The following TG variants were observed in gnomAD, a reference collection of about 807,000 sequenced individuals.
TG encodes the protein thyroid hormones.
TG carries 270 observed loss-of-function variants against 324.7 expected under a neutral mutation model. The observed-to-expected ratio is 0.83, with a 90% CI of 0.75 to 0.92. The LOEUF is 0.92. Ranked by LOEUF, TG falls within the 40% of genes least tolerant of loss-of-function variation. The probability of loss-of-function intolerance (pLI) is 0.00; values close to 1 mark genes in which losing one functional copy is unlikely to be tolerated. For missense variants in TG, 3,591 were observed against 3,456.4 expected (o/e 1.04, Z -0.98); for synonymous variants, 1,401 against 1,327.0 (o/e 1.06, Z -1.21).
chr8:133,113,506 G>C lies in TG; in HGVS notation c.7657G>C (p.Asp2553His), dbSNP rs535231848. ...LQNSLGGEDS[D>H]ARVEAAATWY... ...GAATTCTCTGGGTGGCGAGGACTCA[G>C]ATGCCCGCGTCGAGGCTGCTGCTAC... Residue 2553 changes from aspartate (D) to histidine (H), a missense_variant, in exon 44 of 48, where the codon GAT becomes CAT. By Grantham distance (81) the Asp-to-His change is moderately conservative. Transcript: ENST00000220616. 1 of 1,614,082 alleles carries C rather than the reference G, an allele frequency of 6.2e-7. No individual in the cohort carries two copies. Among genetic ancestry groups the C allele is most frequent in the Non-Finnish European group, 8.5e-7 (1 of 1,180,016 alleles).
intron 41 of TG, among the ~76,000 whole-genome samples, chr8:133,069,325 C>T (rs566708426): frequency 4.5e-4 from 69 of 152,342 alleles, no homozygotes; most frequent in African/African-American, 1.5e-3. Flanking sequence ...TTTCACCTGA[C>T]ACAGCATTTG....
chr8:133,101,271 A>G (rs1276739391), intron 43 of TG, among the ~76,000 whole-genome samples: 1 of 152,182 alleles, frequency 6.6e-6, no homozygotes, highest in Non-Finnish European at 1.5e-5. Context: ...GTTATGAGCT[A>G]TGCTCCCACC....
Position 133,040,421 on chromosome 8 carries a change from G to A in TG, c.7239+10398G>A, listed in dbSNP as rs141773270. The A allele has an allele frequency of 2.6e-3, 911 of 355,280 alleles. 6 individuals are homozygous for A. The highest frequency in any genetic ancestry group is 0.017 in the African/African-American group (813 of 48,768). 22.0% of individuals were successfully genotyped at this position (355,280 alleles called of 1,614,324 possible). A position where few individuals can be genotyped will look rare whatever the true frequency, so the allele number is the denominator to read the frequency against. ...TGGGTTTGAATTTTAGCTTTACCCCGATAGTAAATTATCAAGAACGTCTCT... is the reference window on the plus strand; with the variant it reads ...TGGGTTTGAATTTTAGCTTTACCCCAATAGTAAATTATCAAGAACGTCTCT... On this transcript the variant is annotated intron_variant, in intron 41 of 47. Coordinates refer to ENST00000220616, the MANE Select transcript of TG (RefSeq NM_003235.5).
chr8:132,955,388 C>T (rs1273065171), intron 27 of TG, among the ~76,000 whole-genome samples: 1 of 152,202 alleles, frequency 6.6e-6, no homozygotes, highest in Non-Finnish European at 1.5e-5. Context: ...ACTATTCTCA[C>T]AGCTGAACTC....
At chr8:132,956,329 G>A (rs79116914) in intron 27 of TG, among the ~76,000 whole-genome samples, 10,006 of 152,194 alleles carry the variant, frequency 0.066, 419 homozygotes, top group Non-Finnish European at 0.089. Context: ...CAAGAATTGT[G>A]CTGGGGGAGT....
intron 44 of TG, among the ~76,000 whole-genome samples, chr8:133,116,182 G>A (rs564873848): frequency 1.3e-5 from 2 of 152,252 alleles, no homozygotes; most frequent in Admixed American, 6.5e-5. Context: ...GGGCTCTGAC[G>A]TCTTCTAAAA....
intron 41 of TG, chr8:133,048,068 C>G: frequency 3.3e-6 from 2 of 602,656 alleles, no homozygotes; most frequent in Non-Finnish European, 3.0e-6. Flanking sequence ...AGCATCATCT[C>G]TCTTCCACAG....
At position 133,134,701 on chromosome 8, in the gene TG, A is replaced by C; in HGVS notation, c.8214A>C (p.Ala2738=). The C allele has an allele frequency of 1.2e-6, 2 of 1,614,030 alleles. No individual in the cohort carries two copies. Among genetic ancestry groups the C allele is most frequent in the Non-Finnish European group, 1.7e-6 (2 of 1,179,942 alleles). ...SADGAKGGQS[A]ESEEEELTAG... Reference sequence around the variant, plus strand: ...ATGGAGCCAAGGGCGGGCAGTCAGCAGAGAGTGAAGAGGAGGAGTTGACGG... The same window carrying C: ...ATGGAGCCAAGGGCGGGCAGTCAGCCGAGAGTGAAGAGGAGGAGTTGACGG... The change falls in exon 48 of 48, where the codon GCA becomes GCC. Residue 2738 remains alanine (A), a synonymous_variant. Coordinates refer to ENST00000220616, the MANE Select transcript of TG (RefSeq NM_003235.5).
At chr8:132,980,083 C>T (rs1035264389) in intron 34 of TG, among the ~76,000 whole-genome samples, 1 of 151,986 alleles carries the variant, frequency 6.6e-6, no homozygotes. Flanking sequence ...GACAAGGGGG[C>T]TGGGGAAGGA....
At chr8:132,933,887 C>T (rs553181361) in intron 24 of TG, among the ~76,000 whole-genome samples, 9 of 152,216 alleles carry the variant, frequency 5.9e-5, no homozygotes, top group East Asian at 1.9e-4. Context: ...GAGTAAGGGG[C>T]GTCTGCTTGA....
rs751775674 is a variant in TG, at chr8:133,116,626, G to T, written c.7772G>T (p.Cys2591Phe). 6.2e-7 allele frequency: 1 copy of T among 1,614,206 alleles called. No homozygotes were observed. Residue 2591 changes from cysteine to phenylalanine, a missense_variant, in exon 45 of 48, where the codon TGC becomes TTC. Coordinates refer to ENST00000220616, the MANE Select transcript of TG (RefSeq NM_003235.5). ...TTCACCAGGGACTACTTTATCATCTGCCCTATAATCGACATGGCCAGTGCC... is the reference window on the plus strand; with the variant it reads ...TTCACCAGGGACTACTTTATCATCTTCCCTATAATCGACATGGCCAGTGCC... ...ENATRDYFIICPIIDMASAWA... is the reference protein window; with the variant it reads ...ENATRDYFIIFPIIDMASAWA...
chr8:132,965,560 G>T (rs111764022), intron 29 of TG, among the ~76,000 whole-genome samples: 1 of 152,216 alleles, frequency 6.6e-6, no homozygotes, highest in African/African-American at 2.4e-5. Context: ...TGCCATCGTT[G>T]TACATCCCCC....
chr8:132,993,954 G>T (rs1832629572), intron 35 of TG, among the ~76,000 whole-genome samples: 1 of 152,160 alleles, frequency 6.6e-6, no homozygotes, highest in Admixed American at 6.5e-5. Flanking sequence ...GAATCAGTCA[G>T]AAACCACATA....
intron 37 of TG, among the ~76,000 whole-genome samples, chr8:133,015,834 C>G (rs553466564): frequency 1.3e-5 from 2 of 152,330 alleles, no homozygotes; most frequent in South Asian, 4.1e-4. Flanking sequence ...AAAACAGCAA[C>G]TGTTCCTTTC....
At chr8:133,030,356 C>T (rs528284368) in intron 41 of TG, among the ~76,000 whole-genome samples, 35 of 152,242 alleles carry the variant, frequency 2.3e-4, no homozygotes, top group Middle Eastern at 3.4e-3. Context: ...ACTCACTGTT[C>T]GCAATTCTTC....
At chr8:132,967,036 A>ATCCTTCCAT (rs1340959344) in intron 30 of TG, among the ~76,000 whole-genome samples, 5 of 131,490 alleles carry the variant, frequency 3.8e-5, no homozygotes, top group African/African-American at 1.9e-4. Flanking sequence ...CATCCCATCC[A>ATCCTTCCAT]CCCATCCATC....
In TG at chr8:133,134,823, C is replaced by T; in HGVS notation, c.*29C>T. The T allele has an allele frequency of 6.4e-7, 1 of 1,564,686 alleles. No individual in the cohort carries two copies. The highest frequency in any genetic ancestry group is 8.8e-7 in the Non-Finnish European group (1 of 1,134,934). ...GCCCTTGAGCTCCCCAAAAACCTCA[C>T]CCGAGGCTGCCCACTATGGTCATCT... On this transcript the variant is annotated 3_prime_UTR_variant, in exon 48 of 48. Transcript: ENST00000220616.
intron 41 of TG, chr8:133,040,072 A>G: frequency 6.4e-7 from 1 of 1,557,610 alleles, no homozygotes; most frequent in Non-Finnish European, 8.7e-7. Flanking sequence ...CTGCTGGGGC[A>G]GCCGTGCTTT....
chr8:132,907,012 G>A, intron 17 of TG, 112 bp downstream of exon 17: 5 of 1,140,146 alleles, frequency 4.4e-6, no homozygotes, highest in Non-Finnish European at 6.4e-6. Flanking sequence ...GTAGCACGCT[G>A]GTGGTATGCC....
Sources: gnomAD v4.1 joint callset for allele counts (sites outside exome capture counted in the v4.1 genomes callset) on GRCh38, gnomAD v4.1.1 for gene constraint, MANE v1.5 for transcripts, NCBI Gene and HGNC (gene_info 2026-07-23, HGNC 2026-07-21) for gene names.